KMO: variants seen among roughly 807,000 people sequenced by gnomAD.
KMO encodes kynurenine 3-hydroxylase.
Under a neutral mutation model 57.8 loss-of-function variants are expected in KMO, and 24 were observed. The observed-to-expected ratio is 0.42, with a 90% CI of 0.30 to 0.58. KMO has a LOEUF of 0.58. KMO is among the 20% of genes least tolerant of loss of function. KMO has a pLI of 0.22. For synonymous variants in KMO, 210 were observed against 193.6 expected (o/e 1.08, Z -0.70); for missense variants, 483 against 588.2 (o/e 0.82, Z 1.85).
intron 10 of KMO, among the ~76,000 whole-genome samples, chr1:241,571,254 A>G (rs1573927706): frequency 6.6e-6 from 1 of 151,998 alleles, no homozygotes; most frequent in African/African-American, 2.4e-5. Context: ...TTCCTTTCCA[A>G]TTTGGATGTT....
intron 4 of KMO, among the ~76,000 whole-genome samples, chr1:241,554,712 T>C (rs1052569861): frequency 6.6e-6 from 1 of 151,554 alleles, no homozygotes; most frequent in African/African-American, 2.4e-5. Flanking sequence ...GGCTCATCCC[T>C]GTAATCCCAG....
At chr1:241,586,442 C>A (rs530196762) in intron 10 of KMO, 2 of 421,352 alleles carry the variant, frequency 4.7e-6, no homozygotes, top group Non-Finnish European at 8.7e-6. Context: ...TCAAGCGATC[C>A]GCTCACCTCG....
rs1037918133 is a variant in KMO, at chr1:241,594,209, T to C, written c.*2056T>C. On this transcript the variant is annotated 3_prime_UTR_variant, in exon 15 of 15. Coordinates refer to ENST00000366559, the MANE Select transcript of KMO (RefSeq NM_003679.5). ...TTAGATGCCCATCGTGTGCCACAAG[T>C]GGTTTTTTCATTATGTAAAGCACCC... The C allele has an allele frequency of 1.5e-5, 7 of 454,034 alleles. No individual in the cohort carries two copies. The highest frequency in any genetic ancestry group is 1.0e-4 in the African/African-American group (5 of 50,174). The allele number at this position is 454,034 out of a possible 1,614,324, so 28.1% of individuals were successfully genotyped here.
At chr1:241,533,789 G>A (rs1660661722) in intron 1 of KMO, among the ~76,000 whole-genome samples, 1 of 152,234 alleles carries the variant, frequency 6.6e-6, no homozygotes. Flanking sequence ...GGGTAGTGCT[G>A]TAGAGAGTAT....
At chr1:241,537,693 T>C (rs1193319300) in intron 1 of KMO, among the ~76,000 whole-genome samples, 1 of 151,984 alleles carries the variant, frequency 6.6e-6, no homozygotes, top group Non-Finnish European at 1.5e-5. Context: ...GGTCTCATGA[T>C]GATGGTGAAA....
chr1:241,564,871 A>G (rs1662016156), intron 7 of KMO, 116 bp from the exon 8 acceptor site: 2 of 649,688 alleles, frequency 3.1e-6, no homozygotes, highest in Non-Finnish European at 2.7e-6. Flanking sequence ...AGATGTGCGT[A>G]TCATCGTGTA....
intron 1 of KMO, among the ~76,000 whole-genome samples, chr1:241,545,881 G>A (rs1228146939): frequency 4.6e-5 from 7 of 152,098 alleles, no homozygotes; most frequent in South Asian, 2.1e-4. Flanking sequence ...TATAATACAC[G>A]CTAAACCCCT....
At chr1:241,566,887 C>T (rs1267945737) in intron 9 of KMO, among the ~76,000 whole-genome samples, 1 of 152,184 alleles carries the variant, frequency 6.6e-6, no homozygotes, top group Non-Finnish European at 1.5e-5. Context: ...CTCCTTGGGG[C>T]TTGGCGTGCC....
chr1:241,560,823 T>G, intron 6 of KMO, 71 bp downstream of exon 6: 1 of 974,670 alleles, frequency 1.0e-6, no homozygotes, highest in Non-Finnish European at 1.7e-6. Context: ...GCAAACTTTG[T>G]TCTTTGGCTC....
intron 1 of KMO, among the ~76,000 whole-genome samples, chr1:241,545,391 C>A (rs1444566793): frequency 6.6e-6 from 1 of 152,184 alleles, no homozygotes; most frequent in Non-Finnish European, 1.5e-5. Flanking sequence ...TCTCACAGTT[C>A]TGGTGCTAGA....
chr1:241,591,073 T>C (rs1031471246), intron 14 of KMO, among the ~76,000 whole-genome samples: 1 of 152,072 alleles, frequency 6.6e-6, no homozygotes, highest in Non-Finnish European at 1.5e-5. Context: ...TAGAAAGATG[T>C]CTATATGGAG....
Position 241,594,852 on chromosome 1 carries a change from C to T in KMO, c.*2699C>T. The T allele has an allele frequency of 1.4e-6, 1 of 699,514 alleles. No individual in the cohort carries two copies. The highest frequency in any genetic ancestry group is 2.4e-6 in the Non-Finnish European group (1 of 425,208). The allele number at this position is 699,514 out of a possible 1,614,324, so 43.3% of individuals were successfully genotyped here. A position where few individuals can be genotyped will look rare whatever the true frequency, so the allele number is the denominator to read the frequency against. Reference sequence around the variant, plus strand: ...TCATGCTCAGATCTACCTAAATCACCCCAGAGCTTTATGTCTTTTATTCAT... The same window carrying T: ...TCATGCTCAGATCTACCTAAATCACTCCAGAGCTTTATGTCTTTTATTCAT... On this transcript the variant is annotated 3_prime_UTR_variant, in exon 15 of 15. Coordinates refer to ENST00000366559, the MANE Select transcript of KMO (RefSeq NM_003679.5).
chr1:241,550,943 G>A lies in KMO; in HGVS notation c.223-12G>A. 1.4e-6 allele frequency: 2 copies of A among 1,384,856 alleles called. No individual in the cohort carries two copies. Among genetic ancestry groups the A allele is most frequent in the South Asian group, 1.4e-5 (1 of 71,902 alleles). 85.8% of individuals were successfully genotyped at this position (1,384,856 alleles called of 1,614,324 possible). On this transcript the variant is annotated splice_polypyrimidine_tract_variant and intron_variant, in intron 3 of 14. Coordinates refer to ENST00000366559, the MANE Select transcript of KMO (RefSeq NM_003679.5). ...ACTGTCATTGAAGTCAATATTTCTGGTTTCATTTCAGATTGTATCCCAAGG... is the reference window on the plus strand; with the variant it reads ...ACTGTCATTGAAGTCAATATTTCTGATTTCATTTCAGATTGTATCCCAAGG...
Position 241,594,958 on chromosome 1 carries a change from A to G in KMO, c.*2805A>G, listed in dbSNP as rs1663456316. On this transcript the variant is annotated 3_prime_UTR_variant, in exon 15 of 15. Coordinates refer to ENST00000366559, the MANE Select transcript of KMO (RefSeq NM_003679.5). ...AAGCTTCAATCTGCACACACTTTCT[A>G]TGAGGGCAGGTACAACTATTAAGAG... 2.6e-6 allele frequency: 1 copy of G among 378,840 alleles called. No individual in the cohort carries two copies. Among genetic ancestry groups the G allele is most frequent in the South Asian group, 4.6e-5 (1 of 21,966 alleles). The allele number at this position is 378,840 out of a possible 1,614,324, so 23.5% of individuals were successfully genotyped here.
chr1:241,535,898 T>G (rs1164814973), intron 1 of KMO, among the ~76,000 whole-genome samples: 1 of 152,218 alleles, frequency 6.6e-6, no homozygotes, highest in Non-Finnish European at 1.5e-5. Context: ...AAATGCTGCC[T>G]TCTATTAAAA....
At chr1:241,569,926 A>G (rs1007391593) in intron 10 of KMO, among the ~76,000 whole-genome samples, 1 of 151,994 alleles carries the variant, frequency 6.6e-6, no homozygotes, top group Non-Finnish European at 1.5e-5. Context: ...TTTTTCATAT[A>G]CCCACTGGCC....
At chr1:241,540,090 G>A (rs1660907320) in intron 1 of KMO, among the ~76,000 whole-genome samples, 1 of 152,020 alleles carries the variant, frequency 6.6e-6, no homozygotes, top group African/African-American at 2.4e-5. Context: ...TATACAACCT[G>A]TTACCATTTT....
At chr1:241,538,925 T>C (rs754272989) in intron 1 of KMO, among the ~76,000 whole-genome samples, 8 of 152,224 alleles carry the variant, frequency 5.3e-5, no homozygotes, top group Non-Finnish European at 1.2e-4. Context: ...CCAAATACTC[T>C]CAGATTATTT....
Position 241,550,715 on chromosome 1 carries a change from G to A in KMO, c.223-240G>A, listed in dbSNP as rs549596580. On this transcript the variant is annotated intron_variant, in intron 3 of 14. Transcript: ENST00000366559. ...TCACTTCCCTCAATCTGTGATATTC[G>A]ATTTAGATCAGATAAATTTTAAGCC... is the stretch of plus-strand genomic sequence containing the variant. 8.4e-4 allele frequency among the ~76,000 whole-genome samples: 127 copies of A among 152,030 alleles called. 1 individual carries two copies. Among genetic ancestry groups the A allele is most frequent in the Non-Finnish European group, 1.0e-3 (68 of 67,982 alleles).
Sources: allele counts gnomAD v4.1 joint callset (sites outside exome capture counted in the v4.1 genomes callset), GRCh38; gene constraint gnomAD v4.1.1; transcripts MANE v1.5; gene names NCBI Gene and HGNC (gene_info 2026-07-23, HGNC 2026-07-21).